The following SDK1 variants were observed in gnomAD, a reference collection of about 807,000 sequenced individuals.
The protein encoded by SDK1 is protein sidekick-1.
Under a neutral mutation model 245.5 loss-of-function variants are expected in SDK1, and 157 were observed. The observed-to-expected ratio is 0.64, with a 90% CI of 0.56 to 0.73. SDK1 has a LOEUF of 0.73. Among genes scored for constraint, SDK1 ranks in the 30% least tolerant of loss-of-function variants. The pLI is 0.00. For synonymous variants in SDK1, 1,647 were observed against 1,278.5 expected (o/e 1.29, Z -6.15); for missense variants, 3,583 against 3,002.3 (o/e 1.19, Z -4.52).
At chr7:3,650,892 G>A (rs536426983) in intron 4 of SDK1, among the ~76,000 whole-genome samples, 1 of 150,548 alleles carries the variant, frequency 6.6e-6, no homozygotes, top group African/African-American at 2.4e-5. Flanking sequence ...AAGCCTAGTT[G>A]GTTTCCTGTT....
intron 5 of SDK1, among the ~76,000 whole-genome samples, chr7:3,906,006 A>C (rs1220935574): frequency 6.6e-6 from 1 of 152,056 alleles, no homozygotes; most frequent in Non-Finnish European, 1.5e-5. Flanking sequence ...ACTCCGATTT[A>C]AGCATATTTG....
At chr7:3,434,224 A>T (rs750416657) in intron 1 of SDK1, among the ~76,000 whole-genome samples, 2 of 152,140 alleles carry the variant, frequency 1.3e-5, no homozygotes, top group Non-Finnish European at 2.9e-5. Flanking sequence ...AGTCAGCGTG[A>T]TGGAGAGAAG....
intron 4 of SDK1, among the ~76,000 whole-genome samples, chr7:3,722,467 A>C (rs1290636376): frequency 1.3e-5 from 2 of 152,090 alleles, no homozygotes; most frequent in African/African-American, 4.8e-5. Flanking sequence ...TGCGGCACTC[A>C]CCGCAGGGGA....
chr7:3,482,934 G>A (rs554748433), intron 1 of SDK1, among the ~76,000 whole-genome samples: 1 of 151,580 alleles, frequency 6.6e-6, no homozygotes. Flanking sequence ...GATGATGCTG[G>A]TGACAACAAT....
rs914364203 is a variant in SDK1 at position 3,382,634 on chromosome 7, A to C, written c.298+80750A>C. 2.0e-5 allele frequency among the ~76,000 whole-genome samples: 3 copies of C among 152,180 alleles called. 1 individual carries two copies. The stretch of plus-strand genomic sequence containing the variant: ...CCTGATTTAAAAAATCATGTTTTTG[A>C]ATATGATAATATACTTTAAATGAGT... On this transcript the variant is annotated intron_variant, in intron 1 of 44. Coordinates refer to ENST00000404826, the MANE Select transcript of SDK1 (RefSeq NM_152744.4).
chr7:3,500,544 T>C (rs888225751), intron 1 of SDK1, among the ~76,000 whole-genome samples: 1 of 152,362 alleles, frequency 6.6e-6, no homozygotes, highest in East Asian at 1.9e-4. Context: ...TCTTATGTGA[T>C]CTTGCTGTTT....
chr7:3,638,878 T>C (rs1782557648), intron 2 of SDK1, 126 bp from the exon 3 acceptor site: 1 of 455,358 alleles, frequency 2.2e-6, no homozygotes, highest in Admixed American at 3.7e-5. Context: ...TTACCAAAAA[T>C]AAAATATTTG....
At chr7:3,561,307 C>T (rs1409496167) in intron 1 of SDK1, among the ~76,000 whole-genome samples, 2 of 152,218 alleles carry the variant, frequency 1.3e-5, no homozygotes, top group African/African-American at 2.4e-5. Flanking sequence ...ATTAAGCCAA[C>T]TTTTTGACAA....
At chr7:4,154,692 C>G (rs1157705056) in intron 30 of SDK1, among the ~76,000 whole-genome samples, 2 of 152,140 alleles carry the variant, frequency 1.3e-5, no homozygotes, top group African/African-American at 4.8e-5. Flanking sequence ...CCCGGTGCTG[C>G]TATCTCCATG....
intron 1 of SDK1, chr7:3,302,503 G>T (rs1034605611): frequency 6.6e-6 from 1 of 152,090 alleles, no homozygotes; most frequent in Admixed American, 6.6e-5. Flanking sequence ...ATACAGTGGT[G>T]AGCTCTGAAA....
At chr7:4,228,725 A>T (rs1785578567) in intron 40 of SDK1, among the ~76,000 whole-genome samples, 1 of 152,150 alleles carries the variant, frequency 6.6e-6, no homozygotes, top group Admixed American at 6.5e-5. Context: ...TTTTTAGTAG[A>T]GACGGGGTTT....
At chr7:4,263,582 A>G (rs1209450814) in intron 44 of SDK1, among the ~76,000 whole-genome samples, 8 of 25,416 alleles carry the variant, frequency 3.1e-4, no homozygotes, top group East Asian at 1.1e-3. Context: ...CTCCTGAGTG[A>G]GGGAGGCCGC....
chr7:3,949,172 G>A (rs1780695625), intron 5 of SDK1, among the ~76,000 whole-genome samples: 1 of 152,202 alleles, frequency 6.6e-6, no homozygotes, highest in Non-Finnish European at 1.5e-5. Context: ...TGCAGAGTTG[G>A]AGAGTCTAGA....
chr7:3,723,130 A>G (rs1272801229), intron 4 of SDK1, among the ~76,000 whole-genome samples: 2 of 152,226 alleles, frequency 1.3e-5, no homozygotes, highest in African/African-American at 2.4e-5. Flanking sequence ...CTGTCCTCAG[A>G]CGTTTCTCAA....
At chr7:3,375,710 G>C (rs780820662) in intron 1 of SDK1, among the ~76,000 whole-genome samples, 2 of 152,140 alleles carry the variant, frequency 1.3e-5, no homozygotes, top group African/African-American at 4.8e-5. Flanking sequence ...CCATCAACTT[G>C]CCTGCCATGT....
At chr7:3,393,438 C>T (rs1188247027) in intron 1 of SDK1, among the ~76,000 whole-genome samples, 1 of 152,046 alleles carries the variant, frequency 6.6e-6, no homozygotes, top group Non-Finnish European at 1.5e-5. Flanking sequence ...TACATTCTTG[C>T]CAACATGTTA....
At chr7:3,755,570 C>G (rs1779898144) in intron 4 of SDK1, among the ~76,000 whole-genome samples, 1 of 152,114 alleles carries the variant, frequency 6.6e-6, no homozygotes, top group Non-Finnish European at 1.5e-5. Flanking sequence ...ACACTATTCA[C>G]TCTTTATGAG....
intron 1 of SDK1, among the ~76,000 whole-genome samples, chr7:3,477,345 G>A (rs569650447): frequency 3.4e-5 from 5 of 148,180 alleles, no homozygotes; most frequent in South Asian, 4.3e-4. Context: ...ACAGGCGTGC[G>A]CCACCACACC....
chr7:3,812,301 T>A (rs1198729699), intron 4 of SDK1, among the ~76,000 whole-genome samples: 1 of 152,232 alleles, frequency 6.6e-6, no homozygotes, highest in African/African-American at 2.4e-5. Flanking sequence ...CACACATTTA[T>A]CGACTACACA....
Sources: gnomAD v4.1 joint callset for allele counts (sites outside exome capture counted in the v4.1 genomes callset) on GRCh38, gnomAD v4.1.1 for gene constraint, MANE v1.5 for transcripts, NCBI Gene and HGNC (gene_info 2026-07-23, HGNC 2026-07-21) for gene names.